The following NRG1 variants were observed in gnomAD, a reference collection of about 807,000 sequenced individuals.
The protein encoded by NRG1 is neuregulin 1.
Under a neutral mutation model 63.8 loss-of-function variants are expected in NRG1, and 18 were observed. The ratio of observed to expected loss-of-function variants is 0.28; its 90% confidence interval spans 0.19 to 0.42. The LOEUF is 0.42. Ranked by LOEUF, NRG1 falls within the 10% of genes least tolerant of loss-of-function variation. NRG1 has a pLI of 1.00. For synonymous variants in NRG1, 302 were observed against 301.3 expected (o/e 1.00, Z -0.02); for missense variants, 762 against 814.7 (o/e 0.94, Z 0.79).
At chr8:32,416,295 C>T in intron 1 of NRG1, among the ~76,000 whole-genome samples, 1 of 140,918 alleles carries the variant, frequency 7.1e-6, no homozygotes, top group South Asian at 2.3e-4. Flanking sequence ...CCGCTTTCAC[C>T]TTCCTTCCTC....
chr8:32,674,910 T>C (rs1484497286), intron 5 of NRG1, among the ~76,000 whole-genome samples: 2 of 152,164 alleles, frequency 1.3e-5, no homozygotes, highest in African/African-American at 4.8e-5. Context: ...TCTAGAGCTA[T>C]AGCTGTTAAA....
At chr8:32,320,616 A>G (rs143169915) in intron 1 of NRG1, among the ~76,000 whole-genome samples, 1 of 152,288 alleles carries the variant, frequency 6.6e-6, no homozygotes, top group African/African-American at 2.4e-5. Context: ...CTCACTCACT[A>G]TCACAAGAAA....
chr8:32,243,470 G>C (rs2170415), intron 1 of NRG1, among the ~76,000 whole-genome samples: 108,971 of 150,762 alleles, frequency 0.72, 40,151 homozygotes, highest in African/African-American at 0.84. Flanking sequence ...CATTGGATTA[G>C]GGCCCACCCT....
At chr8:32,227,930 C>T (rs1209520295) in intron 1 of NRG1, among the ~76,000 whole-genome samples, 5 of 152,190 alleles carry the variant, frequency 3.3e-5, no homozygotes, top group South Asian at 2.1e-4. Context: ...TTAGTAAGCA[C>T]ACTGGGAATA....
At chr8:32,369,465 G>C (rs1222098027) in intron 1 of NRG1, among the ~76,000 whole-genome samples, 1 of 152,212 alleles carries the variant, frequency 6.6e-6, no homozygotes, top group Non-Finnish European at 1.5e-5. Context: ...TCTGAGAACA[G>C]GTATTGAGAA....
At chr8:32,507,226 A>G (rs1828644048) in intron 1 of NRG1, among the ~76,000 whole-genome samples, 1 of 152,210 alleles carries the variant, frequency 6.6e-6, no homozygotes, top group Non-Finnish European at 1.5e-5. Context: ...GAGTTACTAA[A>G]GCACTTCAGG....
At chr8:32,123,237 G>C (rs997593150) in intron 1 of NRG1, among the ~76,000 whole-genome samples, 3 of 151,898 alleles carry the variant, frequency 2.0e-5, no homozygotes, top group African/African-American at 7.2e-5. Flanking sequence ...TTGAACTGTA[G>C]CTCTCATAAT....
intron 1 of NRG1, among the ~76,000 whole-genome samples, chr8:32,552,773 T>C (rs938210416): frequency 2.6e-5 from 4 of 152,110 alleles, no homozygotes; most frequent in Admixed American, 2.6e-4. Flanking sequence ...TATTCAGACA[T>C]GAATACTTCT....
intron 1 of NRG1, among the ~76,000 whole-genome samples, chr8:32,224,484 G>T (rs778185992): frequency 1.3e-5 from 2 of 152,160 alleles, no homozygotes; most frequent in African/African-American, 2.4e-5. Flanking sequence ...TGATCTTCCA[G>T]TGGGAGGATA....
At chr8:32,459,723 T>C (rs537921923) in intron 1 of NRG1, among the ~76,000 whole-genome samples, 1 of 152,358 alleles carries the variant, frequency 6.6e-6, no homozygotes, top group Non-Finnish European at 1.5e-5. Flanking sequence ...TGGCCCCTAT[T>C]TGATCTTATT....
chr8:31,812,537 G>A (rs1320310778), intron 1 of NRG1, among the ~76,000 whole-genome samples: 1 of 148,382 alleles, frequency 6.7e-6, no homozygotes, highest in Non-Finnish European at 1.5e-5. Flanking sequence ...CATTTCATTT[G>A]CTTCCTTTTT....
chr8:32,345,137 T>C (rs1161377451), intron 1 of NRG1, among the ~76,000 whole-genome samples: 1 of 152,220 alleles, frequency 6.6e-6, no homozygotes. Context: ...TCTGTGTCCC[T>C]ATTATCCTGA....
At chr8:31,818,877 G>A (rs1051348692) in intron 1 of NRG1, among the ~76,000 whole-genome samples, 1 of 152,132 alleles carries the variant, frequency 6.6e-6, no homozygotes, top group African/African-American at 2.4e-5. Flanking sequence ...CTAACACGGT[G>A]AAACCCTGTC....
intron 1 of NRG1, among the ~76,000 whole-genome samples, chr8:32,588,800 T>C (rs904171988): frequency 4.6e-5 from 7 of 152,258 alleles, no homozygotes; most frequent in African/African-American, 1.4e-4. Context: ...TGAGAATATA[T>C]TATAACAAAA....
intron 1 of NRG1, among the ~76,000 whole-genome samples, chr8:31,813,407 GCT>G (rs1194055428): frequency 6.6e-6 from 1 of 151,764 alleles, no homozygotes; most frequent in African/African-American, 2.4e-5. Context: ...TTCAATTAAT[GCT>G]CTTAGTCTGT....
At chr8:32,584,240 A>G (rs1841219356) in intron 1 of NRG1, among the ~76,000 whole-genome samples, 2 of 152,122 alleles carry the variant, frequency 1.3e-5, no homozygotes, top group Non-Finnish European at 2.9e-5. Context: ...ACTGTCAACA[A>G]TCTGTTTAAT....
intron 1 of NRG1, among the ~76,000 whole-genome samples, chr8:31,941,811 T>C (rs934885707): frequency 2.6e-5 from 4 of 151,704 alleles, no homozygotes; most frequent in African/African-American, 9.7e-5. Context: ...AAAAATAAAA[T>C]ACATAGGAAT....
intron 5 of NRG1, among the ~76,000 whole-genome samples, chr8:32,710,464 T>C (rs1275476426): frequency 1.3e-5 from 2 of 152,206 alleles, no homozygotes; most frequent in Non-Finnish European, 2.9e-5. Flanking sequence ...TTGGAATAGT[T>C]CCTTGTGCCA....
chr8:31,660,838 A>G (rs967074402), intron 1 of NRG1, among the ~76,000 whole-genome samples: 4 of 152,182 alleles, frequency 2.6e-5, no homozygotes, highest in Non-Finnish European at 5.9e-5. Flanking sequence ...TTGGGAGTCT[A>G]TAGTGATATA....
Sources: gnomAD v4.1 joint callset for allele counts (sites outside exome capture counted in the v4.1 genomes callset) on GRCh38, gnomAD v4.1.1 for gene constraint, MANE v1.5 for transcripts, NCBI Gene and HGNC (gene_info 2026-07-23, HGNC 2026-07-21) for gene names.